The following SLC8B1 variants were observed in gnomAD, a reference collection of about 807,000 sequenced individuals.
SLC8B1 encodes mitochondrial sodium/calcium exchanger protein.
Under a neutral mutation model 63.4 loss-of-function variants are expected in SLC8B1, and 52 were observed. That is an observed-to-expected ratio of 0.82 (90% CI 0.66 to 1.03). The LOEUF (loss-of-function observed/expected upper bound fraction) is 1.03. Among genes scored for constraint, SLC8B1 ranks in the 50% least tolerant of loss-of-function variants. The pLI is 0.00. For synonymous variants in SLC8B1, 336 were observed against 323.9 expected (o/e 1.04, Z -0.40); for missense variants, 657 against 741.7 (o/e 0.89, Z 1.33).
chr12:113,315,258 C>T, intron 11 of SLC8B1, 77 bp downstream of exon 11: 1 of 1,415,898 alleles, frequency 7.1e-7, no homozygotes, highest in Non-Finnish European at 9.4e-7. Context: ...CCACTGTACT[C>T]CAGCCTGGGT....
rs570474573 is a variant in SLC8B1 at position 113,320,316 on chromosome 12, C to T, written c.694+15G>A. The T allele has an allele frequency of 6.2e-7, 1 of 1,613,402 alleles. No individual in the cohort carries two copies. Among genetic ancestry groups the T allele is most frequent in the Admixed American group, 1.7e-5 (1 of 59,982 alleles). Reference sequence around the variant, plus strand: ...CAGCCCTGGGATCTCACGCCTGAGCCCCAGAGCTGCTCACCCAGAGCCCAT... The same window carrying T: ...CAGCCCTGGGATCTCACGCCTGAGCTCCAGAGCTGCTCACCCAGAGCCCAT... On this transcript the variant is annotated intron_variant, in intron 7 of 15. Coordinates refer to ENST00000680972, the MANE Select transcript of SLC8B1 (RefSeq NM_001358345.2). The surrounding 1 kb of genome is among the most constrained non-coding windows in gnomAD (Gnocchi z 5.3).
chr12:113,324,402 C>CTT lies in SLC8B1; in HGVS notation c.157-3056_157-3055dup, dbSNP rs780610962. On this transcript the variant is annotated intron_variant, in intron 2 of 15. Coordinates refer to ENST00000680972, the MANE Select transcript of SLC8B1 (RefSeq NM_001358345.2). ...TACCCACTCAGCCACTCAGCTCTAC[C>CTT]TTTTTTTTTTTTTTTTTTTTTGGAG... Among the ~76,000 whole-genome samples, 199 of 130,820 alleles carry CTT rather than the reference C, an allele frequency of 1.5e-3. 4 individuals are homozygous for CTT. The highest frequency in any genetic ancestry group is 4.3e-3 in the Middle Eastern group (1 of 232). 85.8% of individuals were successfully genotyped at this position (130,820 alleles called of 152,430 possible). A position where few individuals can be genotyped will look rare whatever the true frequency, so the allele number is the denominator to read the frequency against.
chr12:113,310,311 C>A lies in SLC8B1; in HGVS notation c.1180G>T (p.Val394Leu), dbSNP rs1334929691. 1.2e-6 allele frequency: 2 copies of A among 1,614,126 alleles called. No homozygotes were observed. The highest frequency in any genetic ancestry group is 1.7e-6 in the Non-Finnish European group (2 of 1,180,016). Residue 394 changes from valine (V) to leucine (L), a missense_variant, in exon 12 of 16, where the codon GTG (valine) becomes TTG (leucine). Physicochemically the swap from Val to Leu is conservative, Grantham distance 32. Transcript: ENST00000680972. ...GCCAAGGCTGTGCCTGCGATCACCACCACGACCCAGACGGGAACGAGGCCG... is the reference window on the plus strand; with the variant it reads ...GCCAAGGCTGTGCCTGCGATCACCAACACGACCCAGACGGGAACGAGGCCG... ...IGGLVPVWVV[V>L]VIAGTALASV... is the part of the protein sequence containing the mutation.
chr12:113,300,614 C>T (rs931906029), intron 15 of SLC8B1, among the ~76,000 whole-genome samples: 2 of 152,180 alleles, frequency 1.3e-5, no homozygotes, highest in Non-Finnish European at 2.9e-5. Flanking sequence ...GATGGCATGC[C>T]CCACCCTGAA....
chr12:113,323,465 T>C (rs1323927418), intron 2 of SLC8B1, among the ~76,000 whole-genome samples: 3 of 152,272 alleles, frequency 2.0e-5, no homozygotes, highest in East Asian at 3.9e-4. Context: ...TCCCAGCACG[T>C]TGGGAGGCCG....
intron 2 of SLC8B1, among the ~76,000 whole-genome samples, chr12:113,328,704 C>G (rs1957024446): frequency 6.6e-6 from 1 of 152,002 alleles, no homozygotes; most frequent in Non-Finnish European, 1.5e-5. Context: ...TTGCAGGAAG[C>G]CCTCCCTGAC....
At chr12:113,323,177 C>T (rs551141007) in intron 2 of SLC8B1, among the ~76,000 whole-genome samples, 2 of 152,234 alleles carry the variant, frequency 1.3e-5, no homozygotes, top group South Asian at 4.1e-4. Flanking sequence ...GGTTCTAGAA[C>T]AATAAACTGG....
chr12:113,321,267 AC>A lies in SLC8B1; in HGVS notation c.237del (p.Tyr80ThrfsTer33), dbSNP rs780991690. The A allele has an allele frequency of 3.1e-6, 5 of 1,613,976 alleles. No homozygotes were observed. Among genetic ancestry groups the A allele is most frequent in the Middle Eastern group, 1.6e-4 (1 of 6,062 alleles). On this transcript the variant is annotated frameshift_variant, in exon 3 of 16. Transcript: ENST00000680972. LOFTEE classifies it high-confidence loss of function. ...AAGATGCCTTCCAGGTAGTCCAGGT[AC>A]CCCCCATCACTGTGGCAGTCAGGGT... ...RTNPDCHSDG[G>X]YLDYLEGIFC...
chr12:113,308,786 T>G (rs934018963), intron 12 of SLC8B1: 1 of 152,234 alleles, frequency 6.6e-6, no homozygotes, highest in African/African-American at 2.4e-5. Flanking sequence ...GGTTGGTACA[T>G]TCATTGAGTT....
intron 15 of SLC8B1, 21 bp from the exon 16 acceptor site, chr12:113,299,995 A>T: frequency 6.2e-7 from 1 of 1,609,842 alleles, no homozygotes. Flanking sequence ...ATGAGGGGAG[A>T]GAGGCTGAGT....
intron 2 of SLC8B1, among the ~76,000 whole-genome samples, chr12:113,329,192 G>T (rs575017785): frequency 6.6e-6 from 1 of 152,334 alleles, no homozygotes; most frequent in South Asian, 2.1e-4. Flanking sequence ...GACCCAGGAG[G>T]TTGGCACAAT....
rs1474616314 is a variant in SLC8B1, at chr12:113,306,527, GC to G, written c.1459del (p.Ala487ArgfsTer32). 6.2e-7 allele frequency: 1 copy of G among 1,613,602 alleles called. No individual in the cohort carries two copies. Among genetic ancestry groups the G allele is most frequent in the Non-Finnish European group, 8.5e-7 (1 of 1,179,872 alleles). Reference protein sequence around the residue: ...TLARQGYPRMAFSACFGGIIF... With the variant: ...TLARQGYPRMXFSACFGGIIF... ...GATGCCGCCAAAGCAGGCGGAGAAC[GC>G]CATCCGTGGGTAGCCCTGGCGAGCC... On this transcript the variant is annotated frameshift_variant, in exon 14 of 16. Transcript: ENST00000680972. LOFTEE classifies it high-confidence loss of function.
chr12:113,302,517 A>T lies in SLC8B1; in HGVS notation c.1557+1804T>A, dbSNP rs1354233293. 26 of 402,284 alleles carry T rather than the reference A, an allele frequency of 6.5e-5. 1 individual carries two copies. The East Asian group carries it at 7.2e-4, about 11-fold the overall frequency. The allele number at this position is 402,284 out of a possible 1,614,324, so 24.9% of individuals were successfully genotyped here. A position where few individuals can be genotyped will look rare whatever the true frequency, so the allele number is the denominator to read the frequency against. ...ACTATCTATGGTATACATGTCACAC[A>T]TGGTTGCTGACATATTTTCAAGCAG... is the stretch of plus-strand genomic sequence containing the variant. On this transcript the variant is annotated intron_variant, in intron 15 of 15. Coordinates refer to ENST00000680972, the MANE Select transcript of SLC8B1 (RefSeq NM_001358345.2).
chr12:113,328,437 A>T (rs1281217848), intron 2 of SLC8B1, among the ~76,000 whole-genome samples: 1 of 152,010 alleles, frequency 6.6e-6, no homozygotes, highest in Non-Finnish European at 1.5e-5. Flanking sequence ...CCCCAATCTT[A>T]CCAGAGGGGC....
At position 113,316,958 on chromosome 12, in the gene SLC8B1, G is replaced by A. The variant is rs1956844216; in HGVS notation, c.846C>T (p.Thr282=). 9 of 1,613,550 alleles carry A rather than the reference G, an allele frequency of 5.6e-6. No homozygotes were observed. Among genetic ancestry groups the A allele is most frequent in the African/African-American group, 1.3e-5 (1 of 75,030 alleles). The change falls in exon 9 of 16, where the codon ACC becomes ACT. Residue 282 remains threonine, a synonymous_variant. Transcript: ENST00000680972. ...DSEEDRVSSN[T]NSYDYGDEYR... ...CGGACTCACCGTAGTCATAGCTGTTGGTATTAGAAGATACCCGGTCCTCCT... is the reference window on the plus strand; with the variant it reads ...CGGACTCACCGTAGTCATAGCTGTTAGTATTAGAAGATACCCGGTCCTCCT...
intron 2 of SLC8B1, among the ~76,000 whole-genome samples, chr12:113,326,314 A>G (rs1368356515): frequency 2.0e-5 from 3 of 152,264 alleles, no homozygotes; most frequent in Non-Finnish European, 4.4e-5. Flanking sequence ...AAAGCTGAAA[A>G]TATTTACTGT....
At chr12:113,317,099 CTTAT>C (rs761427042) in intron 8 of SLC8B1, 98 bp from the exon 9 acceptor site, 2 of 999,502 alleles carry the variant, frequency 2.0e-6, no homozygotes. Context: ...TTCAGGCCAT[CTTAT>C]TTACTTAGTT....
chr12:113,334,209 T>C (rs149806238), intron 1 of SLC8B1, among the ~76,000 whole-genome samples: 1 of 152,358 alleles, frequency 6.6e-6, no homozygotes, highest in Non-Finnish European at 1.5e-5. Context: ...TCAAAGGAAT[T>C]AAACTGGAAA....
intron 8 of SLC8B1, 64 bp downstream of exon 8, chr12:113,318,900 A>G (rs1956881682): frequency 7.7e-6 from 10 of 1,297,768 alleles, no homozygotes; most frequent in Non-Finnish European, 1.0e-5. Context: ...CCTGGGCAGC[A>G]CTGAAGGGCA....
Sources: gnomAD v4.1 joint callset for allele counts (sites outside exome capture counted in the v4.1 genomes callset) on GRCh38, gnomAD v4.1.1 for gene constraint, Gnocchi (gnomAD v3.1) non-coding constraint, MANE v1.5 for transcripts, NCBI Gene and HGNC (gene_info 2026-07-23, HGNC 2026-07-21) for gene names.